Variants in IL16 observed in about 807,000 individuals in gnomAD.
IL16 encodes interleukin 16.
IL16 carries 67 observed loss-of-function variants against 110.1 expected under a neutral mutation model. That is an observed-to-expected ratio of 0.61 (90% CI 0.50 to 0.75). The LOEUF (loss-of-function observed/expected upper bound fraction) is 0.75, where lower values mean the gene tolerates loss of function less well. Among genes scored for constraint, IL16 ranks in the 30% least tolerant of loss-of-function variants. The probability of loss-of-function intolerance (pLI) is 0.00; values close to 1 mark genes in which losing one functional copy is unlikely to be tolerated. For missense variants in IL16, 1,545 were observed against 1,655.0 expected (o/e 0.93, Z 1.15); for synonymous variants, 689 against 662.9 (o/e 1.04, Z -0.61).
intron 2 of IL16, among the ~76,000 whole-genome samples, chr15:81,232,031 C>T (rs942487837): frequency 4.2e-5 from 3 of 70,820 alleles, no homozygotes; most frequent in Non-Finnish European, 7.5e-5. Context: ...AAGTCCTCCA[C>T]ATTTGTTCTT....
upstream of IL16, among the ~76,000 whole-genome samples, chr15:81,192,887 T>C (rs1324660024): frequency 1.3e-5 from 2 of 151,988 alleles, no homozygotes; most frequent in Non-Finnish European, 2.9e-5. Context: ...CACTGATAAA[T>C]TGGATGTGAT....
intron 1 of IL16, among the ~76,000 whole-genome samples, chr15:81,191,022 A>G (rs1354043821): frequency 2.0e-5 from 3 of 152,248 alleles, no homozygotes; most frequent in African/African-American, 7.2e-5. Context: ...GGAGTTAATC[A>G]GAATCCAACA....
chr15:81,255,203 C>A (rs922665112), intron 2 of IL16, among the ~76,000 whole-genome samples: 1 of 152,172 alleles, frequency 6.6e-6, no homozygotes, highest in Non-Finnish European at 1.5e-5. Context: ...GTTTCAGGAA[C>A]CTTTAGGAGT....
intron 1 of IL16, among the ~76,000 whole-genome samples, chr15:81,218,401 A>T (rs1015208081): frequency 1.3e-5 from 2 of 152,222 alleles, no homozygotes; most frequent in South Asian, 4.1e-4. Context: ...AAGTCCCTGG[A>T]TGGGAAGACT....
At chr15:81,264,951 G>A (rs371855555) in intron 3 of IL16, among the ~76,000 whole-genome samples, 11 of 152,008 alleles carry the variant, frequency 7.2e-5, no homozygotes, top group African/African-American at 2.7e-4. Flanking sequence ...TAATTACATA[G>A]GTGGCTGGCA....
intron 2 of IL16, among the ~76,000 whole-genome samples, chr15:81,247,070 C>CTCTT (rs1567016849): frequency 7.4e-5 from 8 of 107,604 alleles, no homozygotes; most frequent in African/African-American, 2.4e-4. Context: ...TCTTTCTTTT[C>CTCTT]TTTTCCTTTT....
chr15:81,291,312 GA>G (rs1377746111), intron 11 of IL16, among the ~76,000 whole-genome samples: 15 of 152,242 alleles, frequency 9.9e-5, no homozygotes, highest in African/African-American at 3.6e-4. Context: ...GGGAAAGCAT[GA>G]CAGAGAAACT....
intron 9 of IL16, among the ~76,000 whole-genome samples, chr15:81,284,004 G>GAAAA (rs565288106): frequency 9.7e-5 from 8 of 82,618 alleles, no homozygotes; most frequent in African/African-American, 1.7e-4. Flanking sequence ...CCCTGTCTCA[G>GAAAA]AAAAAAAAAA....
chr15:81,275,208 G>A (rs1898842936), intron 6 of IL16, among the ~76,000 whole-genome samples: 1 of 151,524 alleles, frequency 6.6e-6, no homozygotes, highest in African/African-American at 2.4e-5. Flanking sequence ...AAGGGAGAGC[G>A]ATGTCCCTGG....
intron 4 of IL16, among the ~76,000 whole-genome samples, chr15:81,267,375 T>C (rs916826150): frequency 6.6e-6 from 1 of 152,050 alleles, no homozygotes; most frequent in Admixed American, 6.6e-5. Context: ...TCTACTCAAC[T>C]CCTCAAAGTT....
chr15:81,303,535 T>C lies in IL16; in HGVS notation c.3319-14T>C, dbSNP rs1567047192. ...GCAGTAAAATGTTTTTGAATGTATG[T>C]ATTTCCTCTGCAGCAATTAGACGGC... On this transcript the variant is annotated splice_polypyrimidine_tract_variant and intron_variant, in intron 15 of 18. Transcript: ENST00000683961. This position sits in a 1 kb window ranked among gnomAD's most constrained non-coding sequence, Gnocchi z 4.1. 2 of 1,546,802 alleles carry C rather than the reference T, an allele frequency of 1.3e-6. No individual in the cohort carries two copies. The highest frequency in any genetic ancestry group is 8.9e-7 in the Non-Finnish European group (1 of 1,118,498).
chr15:81,298,677 C>A (rs1900111937), intron 13 of IL16, among the ~76,000 whole-genome samples: 1 of 152,302 alleles, frequency 6.6e-6, no homozygotes, highest in East Asian at 1.9e-4. Context: ...TACCTGGAAC[C>A]TTTTCATCAG....
chr15:81,295,968 G>T (rs772518013), intron 12 of IL16, among the ~76,000 whole-genome samples: 1 of 152,172 alleles, frequency 6.6e-6, no homozygotes, highest in South Asian at 2.1e-4. Context: ...GGAGGCCACC[G>T]CAGTATAGCA....
chr15:81,255,700 C>T (rs939176735), intron 2 of IL16, among the ~76,000 whole-genome samples: 1 of 152,030 alleles, frequency 6.6e-6, no homozygotes, highest in Admixed American at 6.6e-5. Context: ...AGGCCTTCTA[C>T]AGCCAACATT....
At chr15:81,184,095 G>A (rs1385526931) in intron 1 of IL16, among the ~76,000 whole-genome samples, 1 of 152,206 alleles carries the variant, frequency 6.6e-6, no homozygotes, top group East Asian at 1.9e-4. Context: ...AAAGTAGGGT[G>A]AGCATTCAGG....
At chr15:81,290,614 A>T in intron 11 of IL16, 74 bp downstream of exon 11, 1 of 981,810 alleles carries the variant, frequency 1.0e-6, no homozygotes, top group East Asian at 2.5e-5. Flanking sequence ...CCATTAACTC[A>T]TCCTCTATCC....
intron 3 of IL16, among the ~76,000 whole-genome samples, chr15:81,263,355 T>G (rs5006180): frequency 0.23 from 31,453 of 136,792 alleles, 3,592 homozygotes; most frequent in African/African-American, 0.32. Flanking sequence ...TATTTTTTTT[T>G]GTTTTTTTTT....
chr15:81,294,688 G>A (rs543976617), intron 12 of IL16, among the ~76,000 whole-genome samples: 5 of 152,302 alleles, frequency 3.3e-5, no homozygotes, highest in Admixed American at 2.0e-4. Flanking sequence ...TCTGTCCCAC[G>A]TGGCCAGCAG....
rs556161912 is a variant in IL16, at chr15:81,284,461, T to G, written c.1200-1237T>G. On this transcript the variant is annotated intron_variant, in intron 9 of 18. Transcript: ENST00000683961. Reference sequence around the variant, plus strand: ...GGCACATACTGCAGGTTCCATGTGGTTGTCTTGGTCCTAGTACCCTCGGAC... The same window carrying G: ...GGCACATACTGCAGGTTCCATGTGGGTGTCTTGGTCCTAGTACCCTCGGAC... Among the ~76,000 whole-genome samples the G allele has an allele frequency of 3.9e-5, 6 of 152,332 alleles. No individual in the cohort carries two copies. In the East Asian group the frequency reaches 1.2e-3, roughly 29 times the overall value.
Sources: allele counts gnomAD v4.1 joint callset (sites outside exome capture counted in the v4.1 genomes callset), GRCh38; gene constraint gnomAD v4.1.1; non-coding constraint Gnocchi (gnomAD v3.1); transcripts MANE v1.5; gene names NCBI Gene and HGNC (gene_info 2026-07-23, HGNC 2026-07-21).